Variants in LYN observed in about 807,000 individuals in gnomAD.
LYN encodes tyrosine-protein kinase Lyn.
LYN carries 12 observed loss-of-function variants against 65.0 expected under a neutral mutation model. That is an observed-to-expected ratio of 0.18 (90% confidence interval 0.12 to 0.30). The LOEUF is 0.30. Among genes scored for constraint, LYN ranks in the 10% least tolerant of loss-of-function variants. The pLI, the probability that LYN is intolerant of heterozygous loss-of-function variation, is 1.00. For missense variants in LYN, 380 were observed against 623.2 expected, an observed-to-expected ratio of 0.61 and a Z score of 4.16; for synonymous variants, 222 against 221.2, an observed-to-expected ratio of 1.00 and a Z score of -0.03.
chr8:55,929,556 A>G (rs56150342), intron 1 of LYN, among the ~76,000 whole-genome samples: 17,152 of 152,274 alleles, frequency 0.11, 1,243 homozygotes, highest in Middle Eastern at 0.29. Context: ...AATATCAATA[A>G]TTGAGTTATT....
At chr8:55,890,040 C>T (rs1804907352) in intron 1 of LYN, among the ~76,000 whole-genome samples, 1 of 144,270 alleles carries the variant, frequency 6.9e-6, no homozygotes, top group Non-Finnish European at 1.5e-5. Context: ...ACTTTGGGAG[C>T]CTGAGACAGG....
At chr8:55,940,707 C>T (rs1023810188) in intron 1 of LYN, among the ~76,000 whole-genome samples, 1 of 152,118 alleles carries the variant, frequency 6.6e-6, no homozygotes, top group Non-Finnish European at 1.5e-5. Context: ...TGACCCAATA[C>T]TGTAAGACAA....
rs182502083 is a variant in LYN at position 55,895,208 on chromosome 8, A to T, written c.-6+15105A>T. 4.6e-5 allele frequency among the ~76,000 whole-genome samples: 7 copies of T among 152,220 alleles called. No homozygotes were observed. In the East Asian group the frequency reaches 9.7e-4, roughly 21 times the overall value. The stretch of plus-strand genomic sequence containing the variant: ...GCTTGTCTCTGTTAGCAACTGCTGG[A>T]TGCTACAGAGGATTTGAACAAAGAG... On this transcript the variant is annotated intron_variant, in intron 1 of 12. Coordinates refer to ENST00000519728, the MANE Select transcript of LYN (RefSeq NM_002350.4).
chr8:55,911,212 C>T (rs370881506), intron 1 of LYN, among the ~76,000 whole-genome samples: 3,328 of 8,984 alleles, frequency 0.37, 1,166 homozygotes, highest in Middle Eastern at 0.8. Flanking sequence ...TATATATACA[C>T]GTGTATATAT....
At chr8:55,973,746 T>A (rs1048986093) in intron 10 of LYN, among the ~76,000 whole-genome samples, 1 of 152,192 alleles carries the variant, frequency 6.6e-6, no homozygotes. Flanking sequence ...CAAAAATTAC[T>A]AAAAATGGAA....
rs1563525140 is a variant in LYN, at chr8:55,950,564, C to T, written c.383+7C>T. ...ACACCTTAGAAACAGAAGAGTGAGT[C>T]CTCATGTGTTGTCATCTTGGTGGCT... On this transcript the variant is annotated splice_region_variant and intron_variant, in intron 5 of 12. Coordinates refer to ENST00000519728, the MANE Select transcript of LYN (RefSeq NM_002350.4). 1.2e-6 allele frequency: 2 copies of T among 1,609,562 alleles called. No homozygotes were observed. The highest frequency in any genetic ancestry group is 2.2e-5 in the East Asian group (1 of 44,856).
rs569609017 is a variant in LYN at position 55,991,506 on chromosome 8, T to A, written c.1051-6840T>A. Reference sequence around the variant, plus strand: ...TCTATCCAGCCAAACAAGATAAGCCTGCCCATTAACTCAGGAAGCATTATT... The same window carrying A: ...TCTATCCAGCCAAACAAGATAAGCCAGCCCATTAACTCAGGAAGCATTATT... On this transcript the variant is annotated intron_variant, in intron 10 of 12. Transcript: ENST00000519728. Among the ~76,000 whole-genome samples, 12 of 152,336 alleles carry A rather than the reference T, an allele frequency of 7.9e-5. No individual in the cohort carries two copies. The South Asian group carries it at 2.5e-3, about 32-fold the overall frequency.
Position 56,013,091 on chromosome 8 carries a change from A to G in LYN, c.*2981A>G, listed in dbSNP as rs950961494. ...TACTGTCCAAGCCCCCTTCTAGGGG[A>G]AATTCACTGCCACAGAAGCCAGCAG... is the stretch of plus-strand genomic sequence containing the variant. On this transcript the variant is annotated 3_prime_UTR_variant, in exon 13 of 13. Transcript: ENST00000519728. The G allele has an allele frequency of 6.6e-6, 1 of 152,256 alleles. No homozygotes were observed. Among genetic ancestry groups the G allele is most frequent in the African/African-American group, 2.4e-5 (1 of 41,444 alleles). 9.4% of individuals were successfully genotyped at this position (152,256 alleles called of 1,614,324 possible).
intron 12 of LYN, among the ~76,000 whole-genome samples, chr8:56,005,862 T>G (rs1808657952): frequency 6.6e-6 from 1 of 152,114 alleles, no homozygotes; most frequent in African/African-American, 2.4e-5. Context: ...GGCAGGTGGA[T>G]TGCTTGAGGC....
intron 4 of LYN, 47 bp from the exon 5 acceptor site, chr8:55,950,412 G>A (rs1774823637): frequency 8.5e-7 from 1 of 1,181,816 alleles, no homozygotes; most frequent in Non-Finnish European, 1.2e-6. Flanking sequence ...TACATGCATG[G>A]AGTATGTAAT....
In LYN at chr8:56,012,051, C is replaced by T. The variant is rs1227168277; in HGVS notation, c.*1941C>T. On this transcript the variant is annotated 3_prime_UTR_variant, in exon 13 of 13. Coordinates refer to ENST00000519728, the MANE Select transcript of LYN (RefSeq NM_002350.4). ...CGCCTTGTTTTGCTTCTCCCAGTTCCTCCTCTTCTTGCCATTTTCCACTTG... is the reference window on the plus strand; with the variant it reads ...CGCCTTGTTTTGCTTCTCCCAGTTCTTCCTCTTCTTGCCATTTTCCACTTG... The T allele has an allele frequency of 1.6e-5, 3 of 190,572 alleles. No homozygotes were observed. Among genetic ancestry groups the T allele is most frequent in the African/African-American group, 7.0e-5 (3 of 42,806 alleles). 11.8% of individuals were successfully genotyped at this position (190,572 alleles called of 1,614,324 possible). A position where few individuals can be genotyped will look rare whatever the true frequency, so the allele number is the denominator to read the frequency against.
At chr8:55,918,365 T>C (rs1330540233) in intron 1 of LYN, among the ~76,000 whole-genome samples, 2 of 152,168 alleles carry the variant, frequency 1.3e-5, no homozygotes, top group Admixed American at 1.3e-4. Flanking sequence ...GTAAAAACAC[T>C]GATGCCCAGG....
chr8:55,916,101 A>G (rs1468028467), intron 1 of LYN, among the ~76,000 whole-genome samples: 2 of 152,230 alleles, frequency 1.3e-5, no homozygotes, highest in Non-Finnish European at 2.9e-5. Flanking sequence ...AGTCAATTTG[A>G]TAATTCCCCT....
intron 1 of LYN, among the ~76,000 whole-genome samples, chr8:55,890,727 ATT>A (rs59069585): frequency 0.38 from 54,736 of 143,292 alleles, 10,589 homozygotes; most frequent in East Asian, 0.66. Context: ...GTACATTGGA[ATT>A]TTTTTTTTTT....
At chr8:55,954,682 G>T (rs1807051442) in intron 8 of LYN, among the ~76,000 whole-genome samples, 1 of 151,926 alleles carries the variant, frequency 6.6e-6, no homozygotes, top group South Asian at 2.1e-4. Context: ...TACAAATAAA[G>T]AAATTAGCCA....
intron 8 of LYN, among the ~76,000 whole-genome samples, chr8:55,966,026 C>G (rs565327537): frequency 1.3e-5 from 2 of 152,074 alleles, no homozygotes; most frequent in South Asian, 4.2e-4. Context: ...TCAGGAGGCT[C>G]AGGCATAAGA....
chr8:55,932,135 T>C (rs1299458970), intron 1 of LYN, among the ~76,000 whole-genome samples: 1 of 152,162 alleles, frequency 6.6e-6, no homozygotes, highest in Non-Finnish European at 1.5e-5. Context: ...TTCCTGTGCA[T>C]AGGGATACCA....
chr8:55,881,873 T>C (rs1247221608), intron 1 of LYN, among the ~76,000 whole-genome samples: 1 of 152,180 alleles, frequency 6.6e-6, no homozygotes, highest in Non-Finnish European at 1.5e-5. Context: ...CCCCAGTGCC[T>C]GGTACATAGT....
chr8:55,927,136 G>A (rs572927086), intron 1 of LYN, among the ~76,000 whole-genome samples: 3 of 152,180 alleles, frequency 2.0e-5, no homozygotes, highest in South Asian at 4.1e-4. Flanking sequence ...ATTCACTCTT[G>A]GTGTAGTACA....
Sources: allele counts gnomAD v4.1 joint callset (sites outside exome capture counted in the v4.1 genomes callset), GRCh38; gene constraint gnomAD v4.1.1; transcripts MANE v1.5; gene names NCBI Gene and HGNC (gene_info 2026-07-23, HGNC 2026-07-21).